Variants in MON1B observed in about 807,000 individuals in gnomAD.
The protein encoded by MON1B is MON1 vesicular trafficking associated B, also known as vacuolar fusion protein MON1 homolog B.
Under a neutral mutation model 45.1 loss-of-function variants are expected in MON1B, and 26 were observed. That is an observed-to-expected ratio of 0.58 (90% CI 0.42 to 0.80). The LOEUF is 0.80. Ranked by LOEUF, MON1B falls within the 30% of genes least tolerant of loss-of-function variation. MON1B has a pLI of 0.00. For missense variants in MON1B, 737 were observed against 754.5 expected (o/e 0.98, Z 0.27); for synonymous variants, 395 against 320.2 (o/e 1.23, Z -2.49).
rs768362649 is a variant in MON1B at position 77,193,587 on chromosome 16, C to T, written c.285C>T (p.Gly95=). ...GTAGCCCTGAGAGTAGCTCTGGAGG[C>T]CAGGGCGGGGACCCCAGTGATGAGG... The part of the protein sequence containing the change: ...PTCSPESSSG[G]QGGDPSDEEW... The change falls in exon 3 of 6, where the codon GGC becomes GGT. Residue 95 remains glycine, a synonymous_variant. Coordinates refer to ENST00000248248, the MANE Select transcript of MON1B (RefSeq NM_014940.4). This position sits in a 1 kb window ranked among gnomAD's most constrained non-coding sequence, Gnocchi z 5.0. The T allele has an allele frequency of 1.2e-6, 2 of 1,614,016 alleles. No homozygotes were observed. The highest frequency in any genetic ancestry group is 8.5e-7 in the Non-Finnish European group (1 of 1,179,926).
Position 77,200,266 on chromosome 16 carries a change from A to ATGTGTG in MON1B, c.*1959_*1960insGTGTGT, listed in dbSNP as rs1555502398. On this transcript the variant is annotated 3_prime_UTR_variant, in exon 6 of 6. Coordinates refer to ENST00000248248, the MANE Select transcript of MON1B (RefSeq NM_014940.4). ...TATATATGTATATGTGTATATATATATATATGTGTATATATATATATATAT... is the reference window on the plus strand; with the variant it reads ...TATATATGTATATGTGTATATATATATGTGTGTATATGTGTATATATATATATATAT... The ATGTGTG allele has an allele frequency of 5.4e-5, 6 of 111,310 alleles. No individual in the cohort carries two copies. Among genetic ancestry groups the ATGTGTG allele is most frequent in the African/African-American group, 1.7e-4 (5 of 30,238 alleles). The allele number at this position is 111,310 out of a possible 1,614,324, so 6.9% of individuals were successfully genotyped here.
At position 77,198,156 on chromosome 16, in the gene MON1B, A is replaced by C; in HGVS notation, c.1492A>C (p.Lys498Gln). 6.2e-7 allele frequency: 1 copy of C among 1,614,094 alleles called. No homozygotes were observed. Among genetic ancestry groups the C allele is most frequent in the Non-Finnish European group, 8.5e-7 (1 of 1,179,998 alleles). Residue 498 changes from lysine to glutamine, a missense_variant, in exon 6 of 6, where the codon AAG becomes CAG. Transcript: ENST00000248248. ...LYTCLSPLVT[K>Q]AGAILVVTKL... is the part of the protein sequence containing the mutation. ...TACCTGCCTCAGCCCTCTGGTGACCAAGGCAGGTGCAATCTTGGTAGTGAC... is the reference window on the plus strand; with the variant it reads ...TACCTGCCTCAGCCCTCTGGTGACCCAGGCAGGTGCAATCTTGGTAGTGAC...
rs148562420 is a variant in MON1B, at chr16:77,198,066, C to T, written c.1444-42C>T. The T allele has an allele frequency of 4.7e-5, 75 of 1,586,418 alleles. 1 individual carries two copies. The African/African-American group carries it at 9.3e-4, about 20-fold the overall frequency. On this transcript the variant is annotated intron_variant, in intron 5 of 5. Coordinates refer to ENST00000248248, the MANE Select transcript of MON1B (RefSeq NM_014940.4). ...TGGGGTAGGCAGGATTGTCCATAGC[C>T]AGCTCTGGCCCATCTGACTCTGTCT...
In MON1B at chr16:77,194,545, T is replaced by A; in HGVS notation, c.686T>A (p.Leu229Gln). Residue 229 changes from leucine (L) to glutamine (Q), a missense_variant, in exon 4 of 6, where the codon CTG (leucine) becomes CAG (glutamine). Leu to Gln is a moderately radical substitution (Grantham distance 113, BLOSUM62 -2). Transcript: ENST00000248248. This position sits in a 1 kb window ranked among gnomAD's most constrained non-coding sequence, Gnocchi z 8.1. The stretch of plus-strand genomic sequence containing the variant: ...CTGCTGGCTGGTTCAGAGCGCACAC[T>A]GGACCGACTTCTGGACAGTATGGAG... Reference protein sequence around the residue: ...RRLLAGSERTLDRLLDSMEQD... With the variant: ...RRLLAGSERTQDRLLDSMEQD... 6.2e-7 allele frequency: 1 copy of A among 1,614,014 alleles called. No homozygotes were observed. Among genetic ancestry groups the A allele is most frequent in the Non-Finnish European group, 8.5e-7 (1 of 1,180,024 alleles).
chr16:77,201,421 C>G lies in MON1B; in HGVS notation c.*3113C>G, dbSNP rs1441343632. On this transcript the variant is annotated 3_prime_UTR_variant, in exon 6 of 6. Transcript: ENST00000248248. ...TGAAGGATGTATCAAGTTGCCATTT[C>G]TAGCCCATCAAATCGGCTTTATAAA... is the stretch of plus-strand genomic sequence containing the variant. The G allele has an allele frequency of 1.3e-5, 2 of 152,220 alleles. No homozygotes were observed. The highest frequency in any genetic ancestry group is 2.4e-5 in the African/African-American group (1 of 41,448). 9.4% of individuals were successfully genotyped at this position (152,220 alleles called of 1,614,324 possible).
rs1316935427 is a variant in MON1B, at chr16:77,198,477, A to C, written c.*169A>C. On this transcript the variant is annotated 3_prime_UTR_variant, in exon 6 of 6. Transcript: ENST00000248248. ...GATGAGAGAGATGGTGGCAGCCGCC[A>C]GGCGAGCAGGCTGCTTTCCCTGCCC... 2.8e-6 allele frequency: 2 copies of C among 706,336 alleles called. No homozygotes were observed. Among genetic ancestry groups the C allele is most frequent in the East Asian group, 5.4e-5 (2 of 36,848 alleles). 43.8% of individuals were successfully genotyped at this position (706,336 alleles called of 1,614,324 possible).
chr16:77,191,322 G>GC (rs1048174565), intron 1 of MON1B, 64 bp downstream of exon 1: 33 of 1,545,332 alleles, frequency 2.1e-5, no homozygotes, highest in African/African-American at 4.1e-5. Context: ...AGTGTTGGAG[G>GC]GGGGACGTAT....
Position 77,193,902 on chromosome 16 carries a change from GC to G in MON1B, c.475+127del. The G allele has an allele frequency of 1.0e-6, 1 of 988,858 alleles. No individual in the cohort carries two copies. The highest frequency in any genetic ancestry group is 1.5e-6 in the Non-Finnish European group (1 of 686,040). 61.3% of individuals were successfully genotyped at this position (988,858 alleles called of 1,614,324 possible). On this transcript the variant is annotated intron_variant, in intron 3 of 5. Transcript: ENST00000248248. The surrounding 1 kb of genome is among the most constrained non-coding windows in gnomAD (Gnocchi z 5.0). ...TTGGGTCCATGTGTGTGGATGGTCAGCCAGAGCTCTGTCAGTGGCGGGAGGT... is the reference window on the plus strand; with the variant it reads ...TTGGGTCCATGTGTGTGGATGGTCAGCAGAGCTCTGTCAGTGGCGGGAGGT...
intron 5 of MON1B, 42 bp downstream of exon 5, chr16:77,195,724 A>T (rs752586684): frequency 5.6e-6 from 9 of 1,607,012 alleles, no homozygotes; most frequent in Non-Finnish European, 6.8e-6. Flanking sequence ...TCCCCACTTC[A>T]AGCCTCCTTT....
rs753276223 is a variant in MON1B, at chr16:77,195,602, C to T, written c.1363C>T (p.Leu455=). The T allele has an allele frequency of 5.0e-6, 8 of 1,614,190 alleles. No homozygotes were observed. In the South Asian group the frequency reaches 7.7e-5, roughly 16 times the overall value. The change falls in exon 5 of 6, where the codon CTG becomes TTG. Residue 455 remains leucine (L), a synonymous_variant. Transcript: ENST00000248248. ...RQRLSDLYHR[L]HARLHSTSRP... is the part of the protein sequence containing the mutation. ...GCGGCTGTCGGACCTGTACCACCGC[C>T]TGCATGCTCGTCTCCACAGCACCTC...
Position 77,195,173 on chromosome 16 carries a change from G to A in MON1B, c.1295+19G>A. 1.3e-6 allele frequency: 2 copies of A among 1,530,602 alleles called. No homozygotes were observed. The highest frequency in any genetic ancestry group is 1.8e-6 in the Non-Finnish European group (2 of 1,142,450). The allele number at this position is 1,530,602 out of a possible 1,614,324, so 94.8% of individuals were successfully genotyped here. On this transcript the variant is annotated intron_variant, in intron 4 of 5. Transcript: ENST00000248248. ...TTACCAGGTAGGCCCTGACCCTAAGGCAACTGGCTGGGTGGGAAGGCCTGT... is the reference window on the plus strand; with the variant it reads ...TTACCAGGTAGGCCCTGACCCTAAGACAACTGGCTGGGTGGGAAGGCCTGT...
rs931232480 is a variant in MON1B, at chr16:77,199,445, T to C, written c.*1137T>C. ...GCGAGGCTCGCGCGCAGGCCCCGCG[T>C]TGGAAAATGGCGGGGAAGCTGAAAC... is the stretch of plus-strand genomic sequence containing the variant. On this transcript the variant is annotated 3_prime_UTR_variant, in exon 6 of 6. Coordinates refer to ENST00000248248, the MANE Select transcript of MON1B (RefSeq NM_014940.4). The C allele has an allele frequency of 7.1e-6, 11 of 1,551,278 alleles. No homozygotes were observed. The highest frequency in any genetic ancestry group is 9.6e-6 in the Non-Finnish European group (11 of 1,146,898).
chr16:77,191,962 A>G (rs1357453211), intron 2 of MON1B, among the ~76,000 whole-genome samples: 1 of 152,038 alleles, frequency 6.6e-6, no homozygotes, highest in Non-Finnish European at 1.5e-5. Context: ...CAATAGACTC[A>G]ACAGAGGAGG....
Position 77,193,444 on chromosome 16 carries a change from C to G in MON1B, c.149-7C>G. 1 of 1,540,272 alleles carries G rather than the reference C, an allele frequency of 6.5e-7. No individual in the cohort carries two copies. The highest frequency in any genetic ancestry group is 2.3e-5 in the East Asian group (1 of 44,244). ...ATGCAGATGACCCACCAGGGGCTCCCTTTCAGGATCCAAGGACAAGGACCA... is the reference window on the plus strand; with the variant it reads ...ATGCAGATGACCCACCAGGGGCTCCGTTTCAGGATCCAAGGACAAGGACCA... On this transcript the variant is annotated splice_polypyrimidine_tract_variant and splice_region_variant and intron_variant, in intron 2 of 5. Coordinates refer to ENST00000248248, the MANE Select transcript of MON1B (RefSeq NM_014940.4). This position sits in a 1 kb window ranked among gnomAD's most constrained non-coding sequence, Gnocchi z 5.0.
chr16:77,195,160 C>T lies in MON1B; in HGVS notation c.1295+6C>T. On this transcript the variant is annotated splice_donor_region_variant and intron_variant, in intron 4 of 5. Coordinates refer to ENST00000248248, the MANE Select transcript of MON1B (RefSeq NM_014940.4). ...CAACTGCCCCAGTTTACCAGGTAGG[C>T]CCTGACCCTAAGGCAACTGGCTGGG... is the stretch of plus-strand genomic sequence containing the variant. 2 of 1,573,592 alleles carry T rather than the reference C, an allele frequency of 1.3e-6. No homozygotes were observed. The highest frequency in any genetic ancestry group is 2.3e-5 in the South Asian group (2 of 87,548).
chr16:77,200,299 C>CATATATATATATA lies in MON1B; in HGVS notation c.*1991_*1992insATATATATATATA, dbSNP rs2054724969. 1 of 76,016 alleles carries CATATATATATATA rather than the reference C, an allele frequency of 1.3e-5. No homozygotes were observed. Among genetic ancestry groups the CATATATATATATA allele is most frequent in the African/African-American group, 5.0e-5 (1 of 20,080 alleles). 4.7% of individuals were successfully genotyped at this position (76,016 alleles called of 1,614,324 possible). On this transcript the variant is annotated 3_prime_UTR_variant, in exon 6 of 6. Transcript: ENST00000248248. Reference sequence around the variant, plus strand: ...GTATATATATATATATATACACACACTAATCAGCCGGGCGCGGTGGTGTGG... The same window carrying CATATATATATATA: ...GTATATATATATATATATACACACACATATATATATATATAATCAGCCGGGCGCGGTGGTGTGG...
intron 5 of MON1B, among the ~76,000 whole-genome samples, chr16:77,196,731 G>C (rs907461481): frequency 6.6e-6 from 1 of 152,124 alleles, no homozygotes; most frequent in African/African-American, 2.4e-5. Flanking sequence ...AGCCAAGATC[G>C]CGCCACTGCA....
intron 5 of MON1B, among the ~76,000 whole-genome samples, chr16:77,197,024 A>T (rs760930515): frequency 4.6e-5 from 7 of 152,010 alleles, no homozygotes; most frequent in Non-Finnish European, 1.0e-4. Flanking sequence ...CCAGTCCTCA[A>T]CTCAGCCATT....
Position 77,199,554 on chromosome 16 carries a change from G to C in MON1B, c.*1246G>C. The stretch of plus-strand genomic sequence containing the variant: ...GGCTGCACTCCTTTCTCTCCAACCA[G>C]GGCAGAAAGGAGGGAGGATTCGTCC... On this transcript the variant is annotated 3_prime_UTR_variant, in exon 6 of 6. Coordinates refer to ENST00000248248, the MANE Select transcript of MON1B (RefSeq NM_014940.4). The C allele has an allele frequency of 6.9e-7, 1 of 1,440,438 alleles. No homozygotes were observed. Among genetic ancestry groups the C allele is most frequent in the Non-Finnish European group, 9.5e-7 (1 of 1,049,958 alleles). The allele number at this position is 1,440,438 out of a possible 1,614,324, so 89.2% of individuals were successfully genotyped here.
Sources: allele counts gnomAD v4.1 joint callset (sites outside exome capture counted in the v4.1 genomes callset), GRCh38; gene constraint gnomAD v4.1.1; non-coding constraint Gnocchi (gnomAD v3.1); transcripts MANE v1.5; gene names NCBI Gene and HGNC (gene_info 2026-07-23, HGNC 2026-07-21).